The following CEP57 variants were observed in gnomAD, a reference collection of about 807,000 sequenced individuals.
CEP57 encodes centrosomal protein 57.
A neutral mutation model predicts 68.0 loss-of-function variants in CEP57; 40 were observed. That is an observed-to-expected ratio of 0.59 (90% CI 0.46 to 0.77). The LOEUF is 0.77. Ranked by LOEUF, CEP57 falls within the 30% of genes least tolerant of loss-of-function variation. The pLI is 0.00. For missense variants in CEP57, 606 were observed against 580.7 expected (o/e 1.04, Z -0.45); for synonymous variants, 219 against 198.7 (o/e 1.10, Z -0.86).
At position 95,793,102 on chromosome 11, in the gene CEP57, A is replaced by G. The variant is rs1861173187; in HGVS notation, c.45+2359A>G. On this transcript the variant is annotated intron_variant, in intron 1 of 10. Coordinates refer to ENST00000325542, the MANE Select transcript of CEP57 (RefSeq NM_014679.5). ...ACAGGCAAAGATTTTTAACAAGTAG[A>G]TTCATAAATAACCGTCTTTGGGAAG... Among the ~76,000 whole-genome samples, 3 of 152,338 alleles carry G rather than the reference A, an allele frequency of 2.0e-5. No individual in the cohort carries two copies. In the South Asian group the frequency reaches 6.2e-4, roughly 32 times the overall value.
At chr11:95,817,069 CA>C (rs921521398) in intron 4 of CEP57, among the ~76,000 whole-genome samples, 13 of 147,792 alleles carry the variant, frequency 8.8e-5, no homozygotes, top group Admixed American at 5.4e-4. Flanking sequence ...CTCTAAACTT[CA>C]AAAAAAAAAG....
chr11:95,815,437 T>C (rs1039877066), intron 4 of CEP57, among the ~76,000 whole-genome samples: 1 of 152,222 alleles, frequency 6.6e-6, no homozygotes, highest in Admixed American at 6.5e-5. Context: ...CAATTTTTTT[T>C]AATTATTTGA....
At position 95,828,336 on chromosome 11, in the gene CEP57, C is replaced by T. The variant is rs982937237; in HGVS notation, c.1127+309C>T. Among the ~76,000 whole-genome samples the T allele has an allele frequency of 5.3e-5, 8 of 152,236 alleles. No homozygotes were observed. The South Asian group carries it at 1.7e-3, about 32-fold the overall frequency. ...GTGCTCTGAGAAATACATCATTAGG[C>T]GATTTTCTTTTCCTTGTGCTAACAT... On this transcript the variant is annotated intron_variant, in intron 9 of 10. Transcript: ENST00000325542.
chr11:95,790,513 G>T lies in CEP57; in HGVS notation c.-186G>T. On this transcript the variant is annotated 5_prime_UTR_variant, in exon 1 of 11. Transcript: ENST00000325542. ...ACGTGTTGCCCTTTCTGTGTAAGCT[G>T]TGAGCGTAGGCGGCCCTGAGGGGGT... 1 of 639,824 alleles carries T rather than the reference G, an allele frequency of 1.6e-6. No homozygotes were observed. 39.6% of individuals were successfully genotyped at this position (639,824 alleles called of 1,614,324 possible). A position where few individuals can be genotyped will look rare whatever the true frequency, so the allele number is the denominator to read the frequency against.
chr11:95,804,211 G>A lies in CEP57; in HGVS notation c.202+4823G>A, dbSNP rs567901310. Reference sequence around the variant, plus strand: ...TGTTTACTGCCATACAAATAAAAACGATGGATGGCAGTACTACTGTCAAAC... The same window carrying A: ...TGTTTACTGCCATACAAATAAAAACAATGGATGGCAGTACTACTGTCAAAC... On this transcript the variant is annotated intron_variant, in intron 2 of 10. Coordinates refer to ENST00000325542, the MANE Select transcript of CEP57 (RefSeq NM_014679.5). Among the ~76,000 whole-genome samples the A allele has an allele frequency of 4.9e-4, 75 of 152,180 alleles. 1 individual carries two copies. The highest frequency in any genetic ancestry group is 1.7e-3 in the South Asian group (8 of 4,826).
Position 95,799,619 on chromosome 11 carries a change from G to T in CEP57, c.202+231G>T, listed in dbSNP as rs566542176. Among the ~76,000 whole-genome samples, 13 of 152,214 alleles carry T rather than the reference G, an allele frequency of 8.5e-5. No homozygotes were observed. The South Asian group carries it at 2.7e-3, about 32-fold the overall frequency. ...ACTTTGAGTCATCAGTGACTGCTCT[G>T]TAATCCCCACTATTAGTCCGGAATG... On this transcript the variant is annotated intron_variant, in intron 2 of 10. Coordinates refer to ENST00000325542, the MANE Select transcript of CEP57 (RefSeq NM_014679.5).
Position 95,799,230 on chromosome 11 carries a change from A to T in CEP57, c.46-2A>T, listed in dbSNP as rs1284736469. The T allele has an allele frequency of 2.1e-5, 34 of 1,613,892 alleles. No individual in the cohort carries two copies. The highest frequency in any genetic ancestry group is 2.9e-5 in the Non-Finnish European group (34 of 1,179,954). ...AAGGTAATTTGTGTCTTTATTTTTT[A>T]GAACAGCTTTGCTGAGCCATCAAGG... On this transcript the variant is annotated splice_acceptor_variant, in intron 1 of 10. Transcript: ENST00000325542. LOFTEE classifies it high-confidence loss of function.
intron 10 of CEP57, 114 bp downstream of exon 10, chr11:95,829,445 ACTT>A (rs1862909302): frequency 1.1e-5 from 12 of 1,082,172 alleles, no homozygotes; most frequent in Middle Eastern, 3.0e-4. Context: ...TACAGGAGAT[ACTT>A]CTTTACTGAA....
intron 1 of CEP57, among the ~76,000 whole-genome samples, chr11:95,795,998 A>G (rs772174833): frequency 1.3e-5 from 2 of 152,204 alleles, no homozygotes; most frequent in African/African-American, 2.4e-5. Flanking sequence ...TTCCTTTACC[A>G]TACTGTTTTG....
intron 9 of CEP57, among the ~76,000 whole-genome samples, chr11:95,828,948 A>G (rs1862873221): frequency 6.6e-6 from 1 of 151,784 alleles, no homozygotes; most frequent in Non-Finnish European, 1.5e-5. Context: ...AGGCTGAGGC[A>G]GGAGAATGGC....
chr11:95,820,380 T>G (rs1862468742), intron 6 of CEP57, among the ~76,000 whole-genome samples: 2 of 151,574 alleles, frequency 1.3e-5, no homozygotes, highest in Admixed American at 1.3e-4. Flanking sequence ...AGGTCAGGAG[T>G]TTGAGGTCAG....
rs1349979274 is a variant in CEP57 at position 95,817,759 on chromosome 11, T to C, written c.505-28T>C. 4.9e-6 allele frequency: 7 copies of C among 1,437,388 alleles called. No homozygotes were observed. The Admixed American group carries it at 1.0e-4, about 21-fold the overall frequency. The allele number at this position is 1,437,388 out of a possible 1,614,324, so 89.0% of individuals were successfully genotyped here. A position where few individuals can be genotyped will look rare whatever the true frequency, so the allele number is the denominator to read the frequency against. ...TTTCTCTTTTTTGATTGTCAAATTA[T>C]CAAGCCGTATTGAATATTGTTTTTC... On this transcript the variant is annotated intron_variant, in intron 4 of 10. Coordinates refer to ENST00000325542, the MANE Select transcript of CEP57 (RefSeq NM_014679.5).
intron 1 of CEP57, among the ~76,000 whole-genome samples, chr11:95,798,952 A>G (rs567391746): frequency 6.6e-6 from 1 of 152,298 alleles, no homozygotes; most frequent in Admixed American, 6.5e-5. Context: ...TAACTGCGGT[A>G]TTTACATTCA....
intron 9 of CEP57, among the ~76,000 whole-genome samples, chr11:95,828,821 GGGA>G (rs1862867853): frequency 6.6e-6 from 1 of 151,990 alleles, no homozygotes; most frequent in Non-Finnish European, 1.5e-5. Flanking sequence ...CCAGCACTTT[GGGA>G]GGCTGAAGTG....
intron 2 of CEP57, among the ~76,000 whole-genome samples, chr11:95,807,028 G>A (rs533774649): frequency 3.9e-5 from 6 of 152,316 alleles, no homozygotes; most frequent in African/African-American, 1.4e-4. Context: ...AGGCTCCAGA[G>A]GAAGGACCAG....
intron 6 of CEP57, 24 bp downstream of exon 6, chr11:95,818,928 G>T: frequency 6.4e-7 from 1 of 1,567,498 alleles, no homozygotes; most frequent in South Asian, 1.1e-5. Flanking sequence ...TGAGAAAGTG[G>T]GCTCTTCATA....
intron 2 of CEP57, among the ~76,000 whole-genome samples, chr11:95,809,481 G>C (rs1168656459): frequency 6.6e-6 from 1 of 152,128 alleles, no homozygotes; most frequent in Non-Finnish European, 1.5e-5. Flanking sequence ...AAAGCGAGAA[G>C]AATCAAATAG....
chr11:95,822,379 A>C lies in CEP57; in HGVS notation c.808-120A>C, dbSNP rs1451169153. The C allele has an allele frequency of 4.0e-6, 3 of 749,780 alleles. No homozygotes were observed. In the African/African-American group the frequency reaches 5.2e-5, roughly 13 times the overall value. 46.4% of individuals were successfully genotyped at this position (749,780 alleles called of 1,614,324 possible). ...GGAGCTGGCTTGTGATCATAATGCC[A>C]ACTATAGATAAGGCAAGTAGTAGCC... On this transcript the variant is annotated intron_variant, in intron 7 of 10. Coordinates refer to ENST00000325542, the MANE Select transcript of CEP57 (RefSeq NM_014679.5).
chr11:95,830,586 GCCT>G (rs1427221883), intron 10 of CEP57, among the ~76,000 whole-genome samples: 1 of 151,906 alleles, frequency 6.6e-6, no homozygotes, highest in Non-Finnish European at 1.5e-5. Context: ...TTGCTTCTTT[GCCT>G]CCTCAGACTA....
Sources: allele counts gnomAD v4.1 joint callset (sites outside exome capture counted in the v4.1 genomes callset), GRCh38; gene constraint gnomAD v4.1.1; transcripts MANE v1.5; gene names NCBI Gene and HGNC (gene_info 2026-07-23, HGNC 2026-07-21).